The following RGS17 variants were observed in gnomAD, a reference collection of about 807,000 sequenced individuals.
RGS17 encodes regulator of G protein signaling 17.
A neutral mutation model predicts 25.5 loss-of-function variants in RGS17; 12 were observed. That is an observed-to-expected ratio of 0.47 (90% CI 0.30 to 0.76). RGS17 has a LOEUF of 0.76. Among genes scored for constraint, RGS17 ranks in the 30% least tolerant of loss-of-function variants. The pLI, the probability that RGS17 is intolerant of heterozygous loss-of-function variation, is 0.07. For missense variants in RGS17, 196 were observed against 242.2 expected, an observed-to-expected ratio of 0.81 and a Z score of 1.27; for synonymous variants, 71 against 76.9, an observed-to-expected ratio of 0.92 and a Z score of 0.40.
At chr6:153,063,260 A>G (rs1356183979) in intron 1 of RGS17, among the ~76,000 whole-genome samples, 2 of 152,228 alleles carry the variant, frequency 1.3e-5, no homozygotes, top group Non-Finnish European at 2.9e-5. Context: ...AATCTTGAAG[A>G]AACAGAGATA....
chr6:153,047,249 A>G (rs1776396047), intron 1 of RGS17, among the ~76,000 whole-genome samples: 1 of 152,214 alleles, frequency 6.6e-6, no homozygotes, highest in Non-Finnish European at 1.5e-5. Context: ...GAATATAAGA[A>G]ACAGAACTGA....
intron 1 of RGS17, among the ~76,000 whole-genome samples, chr6:153,121,062 TG>T (rs1333048470): frequency 6.6e-6 from 1 of 151,440 alleles, no homozygotes; most frequent in African/African-American, 2.5e-5. Flanking sequence ...GACTTGTTCA[TG>T]TTTTTTTTTT....
intron 4 of RGS17, among the ~76,000 whole-genome samples, chr6:153,017,019 C>A (rs1372752971): frequency 6.6e-6 from 1 of 152,166 alleles, no homozygotes; most frequent in Non-Finnish European, 1.5e-5. Flanking sequence ...TTGAGTAGCA[C>A]AAGATAAGAG....
chr6:153,026,863 T>C (rs1779308272), intron 2 of RGS17, among the ~76,000 whole-genome samples: 1 of 152,108 alleles, frequency 6.6e-6, no homozygotes, highest in Non-Finnish European at 1.5e-5. Flanking sequence ...ATTATATATA[T>C]ATGTATATAC....
At chr6:153,097,785 G>T (rs1404398922) in intron 1 of RGS17, among the ~76,000 whole-genome samples, 1 of 152,078 alleles carries the variant, frequency 6.6e-6, no homozygotes, top group Non-Finnish European at 1.5e-5. Flanking sequence ...AGTATGCCTG[G>T]AGTGAAGATT....
chr6:153,053,924 TG>T (rs1244235252), intron 1 of RGS17, among the ~76,000 whole-genome samples: 4 of 49,974 alleles, frequency 8.0e-5, no homozygotes, highest in African/African-American at 2.6e-4. Context: ...TATATATATA[TG>T]TATATATATG....
chr6:153,034,828 G>A (rs1050223558), intron 2 of RGS17, among the ~76,000 whole-genome samples: 5 of 152,184 alleles, frequency 3.3e-5, no homozygotes, highest in Admixed American at 6.5e-5. Flanking sequence ...GGAATTGGCA[G>A]TTAAATGGCT....
At chr6:153,079,425 A>G (rs969127161) in intron 1 of RGS17, among the ~76,000 whole-genome samples, 2 of 152,196 alleles carry the variant, frequency 1.3e-5, no homozygotes, top group Admixed American at 1.3e-4. Flanking sequence ...AGCAGATTTC[A>G]CCACTGTTGT....
At chr6:153,101,565 A>T (rs1200290156) in intron 1 of RGS17, among the ~76,000 whole-genome samples, 2 of 152,176 alleles carry the variant, frequency 1.3e-5, no homozygotes, top group Admixed American at 1.3e-4. Context: ...TTAGCAGTTA[A>T]CAGTATATGC....
chr6:153,057,202 A>G (rs1776573104), intron 1 of RGS17, among the ~76,000 whole-genome samples: 1 of 151,542 alleles, frequency 6.6e-6, no homozygotes, highest in African/African-American at 2.4e-5. Context: ...ATATAAATAT[A>G]AAAATAAAAG....
intron 1 of RGS17, among the ~76,000 whole-genome samples, chr6:153,062,472 G>A (rs1242792750): frequency 3.9e-5 from 6 of 152,178 alleles, no homozygotes; most frequent in African/African-American, 1.4e-4. Context: ...ACTACTCCCA[G>A]AGGCTGGAAC....
chr6:153,071,360 A>G (rs557258171), intron 1 of RGS17, among the ~76,000 whole-genome samples: 1 of 152,114 alleles, frequency 6.6e-6, no homozygotes, highest in East Asian at 1.9e-4. Context: ...CTCATCAGCT[A>G]TTCATATTGT....
intron 2 of RGS17, among the ~76,000 whole-genome samples, chr6:153,032,064 T>A (rs557577753): frequency 6.6e-6 from 1 of 152,150 alleles, no homozygotes; most frequent in East Asian, 1.9e-4. Flanking sequence ...GAAAGGAGAA[T>A]AGAACTGATG....
At chr6:153,059,256 T>C (rs1776604267) in intron 1 of RGS17, among the ~76,000 whole-genome samples, 1 of 152,222 alleles carries the variant, frequency 6.6e-6, no homozygotes, top group Non-Finnish European at 1.5e-5. Flanking sequence ...GCCTCCTTGT[T>C]TTGGCTCATG....
chr6:153,019,315 CTTA>C (rs199807895), intron 4 of RGS17, among the ~76,000 whole-genome samples: 1,604 of 152,286 alleles, frequency 0.011, 39 homozygotes, highest in African/African-American at 0.036. Flanking sequence ...AGATACATAT[CTTA>C]TATTTATTGA....
chr6:153,082,637 G>C (rs1386732256), intron 1 of RGS17, among the ~76,000 whole-genome samples: 1 of 151,894 alleles, frequency 6.6e-6, no homozygotes, highest in Non-Finnish European at 1.5e-5. Flanking sequence ...TTATATACTA[G>C]TTCCATATCT....
At chr6:153,124,117 T>C (rs1777674256) in intron 1 of RGS17, among the ~76,000 whole-genome samples, 1 of 152,198 alleles carries the variant, frequency 6.6e-6, no homozygotes, top group African/African-American at 2.4e-5. Context: ...AATTGGTCTA[T>C]TGCTAAACCC....
chr6:153,009,013 A>C lies in RGS17; in HGVS notation c.*2561T>G, dbSNP rs1779105381. ...CATCTGATGTGTAAATCTGCTCTCG[A>C]ATCTTTTTTAACTCAACTTCCTCAT... On this transcript the variant is annotated 3_prime_UTR_variant, in exon 5 of 5. Transcript: ENST00000206262. The C allele has an allele frequency of 6.6e-6, 1 of 152,166 alleles. No individual in the cohort carries two copies. The highest frequency in any genetic ancestry group is 1.5e-5 in the Non-Finnish European group (1 of 67,978). 9.4% of individuals were successfully genotyped at this position (152,166 alleles called of 1,614,324 possible).
chr6:153,050,563 C>T (rs1003505108), intron 1 of RGS17, among the ~76,000 whole-genome samples: 4 of 152,100 alleles, frequency 2.6e-5, no homozygotes, highest in African/African-American at 9.7e-5. Context: ...GTTAAAAAGT[C>T]ATACAATATC....
Sources: gnomAD v4.1 joint callset for allele counts (sites outside exome capture counted in the v4.1 genomes callset) on GRCh38, gnomAD v4.1.1 for gene constraint, MANE v1.5 for transcripts, NCBI Gene and HGNC (gene_info 2026-07-23, HGNC 2026-07-21) for gene names.